The following KLRF1 variants were observed in gnomAD, a reference collection of about 807,000 sequenced individuals.
KLRF1 encodes killer cell lectin like receptor F1, also known as killer cell lectin-like receptor subfamily F member 1.
In KLRF1, 27 loss-of-function variants were observed where a neutral mutation model predicts 30.7. The ratio of observed to expected loss-of-function variants is 0.88; its 90% confidence interval spans 0.65 to 1.21. The LOEUF (loss-of-function observed/expected upper bound fraction) is 1.21, where lower values mean the gene tolerates loss of function less well. Ranked by LOEUF, KLRF1 falls within the 50% of genes most tolerant of loss-of-function variation. The pLI is 0.00. For missense variants in KLRF1, 246 were observed against 259.3 expected, an observed-to-expected ratio of 0.95 and a Z score of 0.35; for synonymous variants, 92 against 89.3, an observed-to-expected ratio of 1.03 and a Z score of -0.17.
the KLRF1 span, among the ~76,000 whole-genome samples, chr12:9,811,079 AT>A: frequency 6.6e-6 from 1 of 152,028 alleles, no homozygotes; most frequent in South Asian, 2.1e-4. Flanking sequence ...CAAAGCAGCC[AT>A]TTGGGAACCA....
chr12:9,803,548 G>T, the KLRF1 span, among the ~76,000 whole-genome samples: 1 of 151,764 alleles, frequency 6.6e-6, no homozygotes, highest in African/African-American at 2.4e-5. Flanking sequence ...TGAGTTTTAT[G>T]GTTTTGTGTT....
chr12:9,805,571 G>A, the KLRF1 span, among the ~76,000 whole-genome samples: 1 of 151,958 alleles, frequency 6.6e-6, no homozygotes, highest in East Asian at 1.9e-4. Flanking sequence ...TCTTGTTATA[G>A]TTTTTTGGAA....
the KLRF1 span, among the ~76,000 whole-genome samples, chr12:9,814,426 C>A: frequency 1.3e-5 from 2 of 152,204 alleles, no homozygotes; most frequent in Admixed American, 1.3e-4. Context: ...CTGAGCACAA[C>A]ATAGGGGATT....
chr12:9,816,728 CTCT>C, the KLRF1 span, among the ~76,000 whole-genome samples: 7 of 145,338 alleles, frequency 4.8e-5, no homozygotes, highest in Non-Finnish European at 9.0e-5. Context: ...TTCCAGCATT[CTCT>C]TCTTTTTTTT....
the KLRF1 span, among the ~76,000 whole-genome samples, chr12:9,804,466 TTTGA>T: frequency 1.3e-5 from 2 of 152,040 alleles, no homozygotes; most frequent in African/African-American, 4.8e-5. Flanking sequence ...CTGTTTTTTC[TTTGA>T]TTATTTGTGC....
intron 3 of KLRF1, among the ~76,000 whole-genome samples, chr12:9,835,480 G>A (rs763564331): frequency 6.6e-6 from 1 of 152,028 alleles, no homozygotes; most frequent in South Asian, 2.1e-4. Context: ...TTCGGGGCTG[G>A]GTATAAGTAA....
intron 3 of KLRF1, among the ~76,000 whole-genome samples, chr12:9,840,273 T>C (rs1867671839): frequency 6.6e-6 from 1 of 152,094 alleles, no homozygotes; most frequent in Non-Finnish European, 1.5e-5. Flanking sequence ...TAGTGATAGT[T>C]GTACAACATT....
At chr12:9,813,560 C>G in the KLRF1 span, among the ~76,000 whole-genome samples, 2 of 152,022 alleles carry the variant, frequency 1.3e-5, no homozygotes, top group African/African-American at 4.8e-5. Flanking sequence ...AAACATTTTT[C>G]CCCCGAGAGA....
rs561030551 is a variant in KLRF1 at position 9,828,372 on chromosome 12, C to T, written c.85+743C>T. 8.5e-5 allele frequency among the ~76,000 whole-genome samples: 13 copies of T among 152,224 alleles called. No homozygotes were observed. The South Asian group carries it at 2.3e-3, about 27-fold the overall frequency. On this transcript the variant is annotated intron_variant, in intron 1 of 5. Transcript: ENST00000617889. ...TTGGGATTATAGGCATGAGCCACCGCGCCCAGCCTTTAATACTAATTTTTA... is the reference window on the plus strand; with the variant it reads ...TTGGGATTATAGGCATGAGCCACCGTGCCCAGCCTTTAATACTAATTTTTA...
intron 3 of KLRF1, 55 bp downstream of exon 3, chr12:9,833,507 G>A: frequency 1.4e-6 from 2 of 1,450,826 alleles, no homozygotes; most frequent in Non-Finnish European, 1.8e-6. Context: ...CTCTCTAAAT[G>A]TGAAGTATTT....
chr12:9,837,530 C>A (rs1339674761), intron 3 of KLRF1, among the ~76,000 whole-genome samples: 2 of 152,118 alleles, frequency 1.3e-5, no homozygotes, highest in African/African-American at 4.8e-5. Context: ...CAGCTCAGGG[C>A]TTGTGCCTGG....
intron 3 of KLRF1, among the ~76,000 whole-genome samples, chr12:9,836,315 A>G (rs1490008629): frequency 3.9e-5 from 6 of 151,988 alleles, no homozygotes; most frequent in Non-Finnish European, 8.8e-5. Context: ...TCATACTCCT[A>G]TTCACCATTC....
At chr12:9,806,872 A>G in the KLRF1 span, among the ~76,000 whole-genome samples, 1 of 151,986 alleles carries the variant, frequency 6.6e-6, no homozygotes, top group Non-Finnish European at 1.5e-5. Flanking sequence ...TTGTAGAGAC[A>G]GGGCCTTGAC....
At chr12:9,822,163 G>T in the KLRF1 span, among the ~76,000 whole-genome samples, 1 of 152,224 alleles carries the variant, frequency 6.6e-6, no homozygotes, top group African/African-American at 2.4e-5. Flanking sequence ...TTTTAAACCA[G>T]CAGAGCTGAC....
the KLRF1 span, among the ~76,000 whole-genome samples, chr12:9,805,468 G>C: frequency 6.6e-6 from 1 of 152,044 alleles, no homozygotes; most frequent in African/African-American, 2.4e-5. Context: ...ACCTCCAAAA[G>C]GTCCCACCTT....
At chr12:9,840,683 G>A (rs1206820941) in intron 3 of KLRF1, among the ~76,000 whole-genome samples, 2 of 152,012 alleles carry the variant, frequency 1.3e-5, no homozygotes, top group Admixed American at 6.6e-5. Context: ...CAAGGAGAGC[G>A]ATTTTAAAAC....
chr12:9,805,941 A>G, the KLRF1 span, among the ~76,000 whole-genome samples: 1 of 151,790 alleles, frequency 6.6e-6, no homozygotes, highest in Admixed American at 6.6e-5. Context: ...CCTAAAGTTT[A>G]GTTGAGTTTG....
rs765355159 is a variant in KLRF1 at position 9,833,466 on chromosome 12, C to A, written c.334+14C>A. 3 of 1,577,908 alleles carry A rather than the reference C, an allele frequency of 1.9e-6. No homozygotes were observed. Among genetic ancestry groups the A allele is most frequent in the Non-Finnish European group, 2.6e-6 (3 of 1,166,566 alleles). Reference sequence around the variant, plus strand: ...CAGACCAGACAGGTATGTCTCAAGGCTTTGGCTTATCCTAGTTTTAATCTT... The same window carrying A: ...CAGACCAGACAGGTATGTCTCAAGGATTTGGCTTATCCTAGTTTTAATCTT... On this transcript the variant is annotated intron_variant, in intron 3 of 5. Transcript: ENST00000617889.
At chr12:9,822,704 G>C (rs139908098), upstream of KLRF1, among the ~76,000 whole-genome samples, 168 of 152,176 alleles carry the variant, frequency 1.1e-3, 1 homozygote, top group East Asian at 4.2e-3. Context: ...AAGCTCAATG[G>C]TATGCTATCT....
Sources: allele counts gnomAD v4.1 joint callset (sites outside exome capture counted in the v4.1 genomes callset), GRCh38; gene constraint gnomAD v4.1.1; transcripts MANE v1.5; gene names NCBI Gene and HGNC (gene_info 2026-07-23, HGNC 2026-07-21).